Variants in ZNF407 observed in about 807,000 individuals in gnomAD.
ZNF407 encodes zinc finger protein 407.
In ZNF407, 17 loss-of-function variants were observed where a neutral mutation model predicts 131.2. That is an observed-to-expected ratio of 0.13 (90% CI 0.09 to 0.19). The LOEUF (loss-of-function observed/expected upper bound fraction) is 0.19, where lower values mean the gene tolerates loss of function less well. Among genes scored for constraint, ZNF407 ranks in the 10% least tolerant of loss-of-function variants. The pLI is 1.00. For missense variants in ZNF407, 2,681 were observed against 2,830.6 expected, an observed-to-expected ratio of 0.95 and a Z score of 1.20; for synonymous variants, 1,156 against 1,062.0, an observed-to-expected ratio of 1.09 and a Z score of -1.72.
At chr18:74,841,779 A>G (rs1286639730) in intron 4 of ZNF407, among the ~76,000 whole-genome samples, 1 of 152,126 alleles carries the variant, frequency 6.6e-6, no homozygotes, top group East Asian at 1.9e-4. Context: ...CCGTGATGAA[A>G]CTCATGAAAA....
chr18:74,841,269 C>T lies in ZNF407; in HGVS notation c.4878-35928C>T, dbSNP rs1970629031. Among the ~76,000 whole-genome samples, 2 of 152,166 alleles carry T rather than the reference C, an allele frequency of 1.3e-5. 1 individual carries two copies. Among genetic ancestry groups the T allele is most frequent in the South Asian group, 4.1e-4 (2 of 4,826 alleles). On this transcript the variant is annotated intron_variant, in intron 4 of 8. Coordinates refer to ENST00000299687, the MANE Select transcript of ZNF407 (RefSeq NM_017757.3). ...AGGCTGAAATGGGCCACGGTGGAGG[C>T]TTTTCACCATAGGAATGAGCAAGCC...
At chr18:74,691,832 G>T (rs1172733645) in intron 3 of ZNF407, among the ~76,000 whole-genome samples, 1 of 152,038 alleles carries the variant, frequency 6.6e-6, no homozygotes, top group African/African-American at 2.4e-5. Flanking sequence ...GTCAGCTCAC[G>T]CCTGTAATCC....
intron 3 of ZNF407, among the ~76,000 whole-genome samples, chr18:74,649,077 A>G (rs1010076443): frequency 6.6e-6 from 1 of 152,266 alleles, no homozygotes; most frequent in African/African-American, 2.4e-5. Context: ...ACTGAGAAAT[A>G]GCAGTTTCAA....
At chr18:74,661,807 A>G (rs989514735) in intron 3 of ZNF407, among the ~76,000 whole-genome samples, 2 of 152,222 alleles carry the variant, frequency 1.3e-5, no homozygotes, top group African/African-American at 2.4e-5. Flanking sequence ...TTTTATTTTT[A>G]GATCTCTTTA....
chr18:74,897,731 T>A (rs60987985), intron 7 of ZNF407, among the ~76,000 whole-genome samples: 4,266 of 152,300 alleles, frequency 0.028, 181 homozygotes, highest in African/African-American at 0.094. Context: ...ACTATCTATA[T>A]CTTCCAGCAA....
At chr18:74,944,467 A>G (rs1407400393) in intron 8 of ZNF407, among the ~76,000 whole-genome samples, 1 of 152,216 alleles carries the variant, frequency 6.6e-6, no homozygotes, top group African/African-American at 2.4e-5. Context: ...CAGGATGCAC[A>G]CTAGATTTTA....
chr18:74,781,098 A>T (rs1159088216), intron 3 of ZNF407, among the ~76,000 whole-genome samples: 3 of 152,122 alleles, frequency 2.0e-5, no homozygotes, highest in Non-Finnish European at 4.4e-5. Context: ...GCGATGACCT[A>T]GGGGCTGTGC....
intron 8 of ZNF407, among the ~76,000 whole-genome samples, chr18:75,005,527 A>G (rs1023578431): frequency 8.6e-5 from 13 of 152,046 alleles, no homozygotes; most frequent in African/African-American, 3.1e-4. Context: ...ATTCATTTCT[A>G]TTGAGATTGA....
At chr18:74,795,942 C>T (rs1011313018) in intron 4 of ZNF407, among the ~76,000 whole-genome samples, 5 of 152,226 alleles carry the variant, frequency 3.3e-5, no homozygotes, top group Admixed American at 2.6e-4. Context: ...CAGCCTCCCG[C>T]TGTGCACACG....
At chr18:74,944,060 A>T (rs1237923387) in intron 8 of ZNF407, among the ~76,000 whole-genome samples, 3 of 152,174 alleles carry the variant, frequency 2.0e-5, no homozygotes, top group Admixed American at 6.5e-5. Context: ...TGGATTATAT[A>T]TAATCCATCT....
intron 8 of ZNF407, among the ~76,000 whole-genome samples, chr18:74,962,425 TCTCCAGCACA>T (rs1405383794): frequency 1.3e-5 from 2 of 152,210 alleles, no homozygotes; most frequent in East Asian, 3.9e-4. Flanking sequence ...GGCCCCTGTT[TCTCCAGCACA>T]GAGGACCCAG....
At chr18:74,782,563 C>A (rs1439010230) in intron 4 of ZNF407, among the ~76,000 whole-genome samples, 2 of 106,882 alleles carry the variant, frequency 1.9e-5, no homozygotes, top group African/African-American at 6.0e-5. Flanking sequence ...CCCTCCTCTT[C>A]TCTTCTCTTC....
At chr18:74,750,684 A>G (rs1186485162) in intron 3 of ZNF407, among the ~76,000 whole-genome samples, 1 of 152,184 alleles carries the variant, frequency 6.6e-6, no homozygotes, top group Non-Finnish European at 1.5e-5. Context: ...ACGTTTCTGC[A>G]CAGATTTTTG....
chr18:74,712,227 T>A (rs1242349514), intron 3 of ZNF407, among the ~76,000 whole-genome samples: 1 of 152,160 alleles, frequency 6.6e-6, no homozygotes, highest in Non-Finnish European at 1.5e-5. Context: ...GAATTAGAAG[T>A]CTTGGGTTCA....
chr18:74,765,069 G>C (rs532869887), intron 3 of ZNF407, among the ~76,000 whole-genome samples: 8 of 152,210 alleles, frequency 5.3e-5, no homozygotes, highest in African/African-American at 1.9e-4. Context: ...TGTTGTTCAA[G>C]GGTCATCTAT....
intron 4 of ZNF407, among the ~76,000 whole-genome samples, chr18:74,801,123 A>G (rs1227819208): frequency 1.3e-5 from 2 of 152,172 alleles, no homozygotes; most frequent in African/African-American, 4.8e-5. Flanking sequence ...ACTTGGAAAT[A>G]GTAATATAAT....
chr18:75,052,321 C>G (rs566946210), intron 8 of ZNF407, among the ~76,000 whole-genome samples: 1 of 152,104 alleles, frequency 6.6e-6, no homozygotes, highest in Non-Finnish European at 1.5e-5. Context: ...AGGAGTCGCG[C>G]GCTTATGCTA....
chr18:74,731,747 C>CA (rs1319669344), intron 3 of ZNF407, among the ~76,000 whole-genome samples: 2 of 152,024 alleles, frequency 1.3e-5, no homozygotes, highest in East Asian at 3.9e-4. Flanking sequence ...GAGTGAGTGT[C>CA]AAAGTCCAGG....
chr18:75,004,809 A>G (rs1347990903), intron 8 of ZNF407, among the ~76,000 whole-genome samples: 2 of 152,224 alleles, frequency 1.3e-5, no homozygotes, highest in African/African-American at 4.8e-5. Context: ...AAGTCTTTCA[A>G]AGTAGTCCCA....
Sources: allele counts gnomAD v4.1 joint callset (sites outside exome capture counted in the v4.1 genomes callset), GRCh38; gene constraint gnomAD v4.1.1; transcripts MANE v1.5; gene names NCBI Gene and HGNC (gene_info 2026-07-23, HGNC 2026-07-21).